Variants in SLC71A2 observed in about 807,000 individuals in gnomAD.
SLC71A2 encodes the protein hippocampus abundant transcript-like 1.
At chr9:94,423,265 CTTT>C in the SLC71A2 span, among the ~76,000 whole-genome samples, 28 of 140,152 alleles carry the variant, frequency 2.0e-4, no homozygotes, top group East Asian at 1.2e-3. Context: ...CTCTCTCTCT[CTTT>C]TTTTTTTTTT....
At chr9:94,449,518 T>C in the SLC71A2 span, among the ~76,000 whole-genome samples, 6 of 152,316 alleles carry the variant, frequency 3.9e-5, no homozygotes, top group African/African-American at 1.4e-4. Context: ...GTCAAGGACA[T>C]GCAAGTCACA....
chr9:94,374,791 C>T, the SLC71A2 span: 2 of 588,390 alleles, frequency 3.4e-6, no homozygotes, highest in Non-Finnish European at 4.7e-6. Context: ...TCCCGGAGCG[C>T]CCCGGGCTGG....
the SLC71A2 span, among the ~76,000 whole-genome samples, chr9:94,419,970 C>T: frequency 1.3e-5 from 2 of 152,314 alleles, no homozygotes; most frequent in East Asian, 3.9e-4. Context: ...AGCCAGTAAA[C>T]TTTCAGCTCT....
At chr9:94,450,536 C>G in the SLC71A2 span, among the ~76,000 whole-genome samples, 1 of 118,912 alleles carries the variant, frequency 8.4e-6, no homozygotes, top group Middle Eastern at 6.8e-3. Context: ...GTCGCCCAGG[C>G]TGGAATACAG....
the SLC71A2 span, among the ~76,000 whole-genome samples, chr9:94,387,018 A>G: frequency 1.3e-5 from 2 of 151,964 alleles, no homozygotes; most frequent in African/African-American, 4.8e-5. Context: ...CAAAATCAGT[A>G]TTTCAATATG....
At chr9:94,408,831 G>GTT in the SLC71A2 span, among the ~76,000 whole-genome samples, 2 of 99,860 alleles carry the variant, frequency 2.0e-5, no homozygotes, top group African/African-American at 8.8e-5. Context: ...TTTTTTGTTT[G>GTT]TTTGTTTTTT....
the SLC71A2 span, among the ~76,000 whole-genome samples, chr9:94,411,941 T>C: frequency 6.6e-6 from 1 of 152,196 alleles, no homozygotes; most frequent in Non-Finnish European, 1.5e-5. Flanking sequence ...ATATGGCACC[T>C]CATAGTTTAG....
chr9:94,430,773 A>G, the SLC71A2 span, among the ~76,000 whole-genome samples: 13 of 152,204 alleles, frequency 8.5e-5, no homozygotes, highest in African/African-American at 2.9e-4. Flanking sequence ...TTATTTTCAC[A>G]TTGAAAAATC....
At chr9:94,451,566 A>G in the SLC71A2 span, 3 of 1,066,406 alleles carry the variant, frequency 2.8e-6, no homozygotes, top group East Asian at 7.6e-5. Context: ...AATTTAAAAA[A>G]TATCCTGATA....
chr9:94,383,343 A>G, the SLC71A2 span, among the ~76,000 whole-genome samples: 7 of 151,644 alleles, frequency 4.6e-5, no homozygotes, highest in Admixed American at 4.6e-4. Context: ...TTGTATTTTT[A>G]ATAGAGACAG....
the SLC71A2 span, among the ~76,000 whole-genome samples, chr9:94,428,618 G>T: frequency 7.4e-5 from 9 of 122,322 alleles, no homozygotes; most frequent in East Asian, 2.4e-4. Context: ...TTTTTACTAT[G>T]GACATTCCTT....
the SLC71A2 span, chr9:94,429,168 A>G: frequency 6.2e-7 from 1 of 1,604,582 alleles, no homozygotes. Context: ...ATTTGTCTTG[A>G]TGTTTGTTTG....
chr9:94,407,822 T>C, the SLC71A2 span, among the ~76,000 whole-genome samples: 4 of 152,302 alleles, frequency 2.6e-5, no homozygotes, highest in South Asian at 8.3e-4. Context: ...AATGGAAAAT[T>C]CCAGAAATAA....
the SLC71A2 span, among the ~76,000 whole-genome samples, chr9:94,375,356 C>G: frequency 6.6e-6 from 1 of 151,772 alleles, no homozygotes; most frequent in South Asian, 2.1e-4. Context: ...CTCCCGGCGT[C>G]GGAGGGGCGG....
chr9:94,398,330 T>C, the SLC71A2 span, among the ~76,000 whole-genome samples: 1 of 151,198 alleles, frequency 6.6e-6, no homozygotes, highest in Non-Finnish European at 1.5e-5. Context: ...AGAAAGTTTT[T>C]ATTTCTGCAA....
chr9:94,405,609 A>G, the SLC71A2 span, among the ~76,000 whole-genome samples: 19 of 152,108 alleles, frequency 1.2e-4, no homozygotes, highest in African/African-American at 4.3e-4. Flanking sequence ...GTAGAAATAC[A>G]GGCACACACC....
the SLC71A2 span, among the ~76,000 whole-genome samples, chr9:94,413,932 T>C: frequency 1.3e-5 from 2 of 152,160 alleles, no homozygotes; most frequent in African/African-American, 4.8e-5. Flanking sequence ...GAGTTTCTTA[T>C]CCTCTCATAT....
At chr9:94,451,487 C>T in the SLC71A2 span, 1 of 1,572,420 alleles carries the variant, frequency 6.4e-7, no homozygotes, top group African/African-American at 1.4e-5. Flanking sequence ...AAAATTGCAG[C>T]ATTCATAGCT....
the SLC71A2 span, among the ~76,000 whole-genome samples, chr9:94,387,080 T>G: frequency 0.2 from 30,170 of 151,978 alleles, 3,207 homozygotes; most frequent in African/African-American, 0.28. Context: ...TTCTTTCCTT[T>G]CGCATCAGCC....
Sources: allele counts gnomAD v4.1 joint callset (sites outside exome capture counted in the v4.1 genomes callset), GRCh38; gene constraint gnomAD v4.1.1; transcripts MANE v1.5; gene names NCBI Gene and HGNC (gene_info 2026-07-23, HGNC 2026-07-21).